FARS2: variants seen among roughly 807,000 people sequenced by gnomAD.
FARS2 encodes phenylalanyl-tRNA synthetase 2, mitochondrial.
Under a neutral mutation model 46.4 loss-of-function variants are expected in FARS2, and 40 were observed. That is an observed-to-expected ratio of 0.86 (90% CI 0.67 to 1.12). The LOEUF is 1.12. Among genes scored for constraint, FARS2 ranks in the 50% most tolerant of loss-of-function variants. FARS2 has a pLI of 0.00. For synonymous variants in FARS2, 234 were observed against 214.9 expected, an observed-to-expected ratio of 1.09 and a Z score of -0.78; for missense variants, 513 against 567.9, an observed-to-expected ratio of 0.90 and a Z score of 0.98.
intron 1 of FARS2, among the ~76,000 whole-genome samples, chr6:5,359,108 C>T (rs1184111264): frequency 8.0e-6 from 1 of 125,500 alleles, no homozygotes; most frequent in Non-Finnish European, 1.6e-5. Context: ...GGTGCAATCT[C>T]GGTTCACTGC....
chr6:5,771,366 G>A lies in FARS2; in HGVS notation c.1293G>A (p.Arg431=), dbSNP rs749743875. 5 of 1,614,250 alleles carry A rather than the reference G, an allele frequency of 3.1e-6. No individual in the cohort carries two copies. The highest frequency in any genetic ancestry group is 4.2e-6 in the Non-Finnish European group (5 of 1,180,044). ...GGACTCTGTCCCAGAGAGAGGTCAG[G>A]CACATCCACCAGGCCTTGCAGGAGG... The part of the protein sequence containing the change: ...MERTLSQREV[R]HIHQALQEAA... Residue 431 remains arginine (R), a synonymous_variant, in exon 7 of 7, where the codon AGG becomes AGA. Coordinates refer to ENST00000274680, the MANE Select transcript of FARS2 (RefSeq NM_006567.5).
intron 6 of FARS2, among the ~76,000 whole-genome samples, chr6:5,648,995 A>G (rs1452758894): frequency 6.6e-6 from 1 of 152,204 alleles, no homozygotes. Context: ...CTGTGGGTCA[A>G]TAGTTAAGGT....
At chr6:5,325,679 A>G (rs1311308175) in intron 1 of FARS2, among the ~76,000 whole-genome samples, 1 of 152,258 alleles carries the variant, frequency 6.6e-6, no homozygotes, top group Non-Finnish European at 1.5e-5. Context: ...GTTTATGAAC[A>G]TGCTTCAATT....
intron 5 of FARS2, among the ~76,000 whole-genome samples, chr6:5,552,844 G>A (rs567586601): frequency 1.1e-4 from 17 of 152,080 alleles, no homozygotes; most frequent in African/African-American, 2.7e-4. Flanking sequence ...TGCTGTATTC[G>A]TTCTGAGTGT....
chr6:5,742,988 G>A (rs984807908), intron 6 of FARS2, among the ~76,000 whole-genome samples: 19 of 152,016 alleles, frequency 1.2e-4, no homozygotes, highest in African/African-American at 3.4e-4. Context: ...CCAGGGGTGC[G>A]TGTGTTTGTG....
intron 4 of FARS2, among the ~76,000 whole-genome samples, chr6:5,503,395 CACACACACACAGAG>C (rs1767916639): frequency 7.1e-5 from 5 of 70,432 alleles, no homozygotes; most frequent in Non-Finnish European, 2.9e-5. Context: ...CACACACACA[CACACACACACAGAG>C]AGAGAGAGAG....
At chr6:5,612,414 T>C (rs1415314700) in intron 5 of FARS2, among the ~76,000 whole-genome samples, 1 of 152,188 alleles carries the variant, frequency 6.6e-6, no homozygotes, top group Non-Finnish European at 1.5e-5. Flanking sequence ...GACCAAAACA[T>C]ACACACATAT....
chr6:5,405,480 C>CTTTTGTTTTTTTTTTTTTTTT (rs1761519556), intron 3 of FARS2, among the ~76,000 whole-genome samples: 1 of 58,952 alleles, frequency 1.7e-5, no homozygotes, highest in Non-Finnish European at 3.1e-5. Context: ...GAGCAAGGTT[C>CTTTTGTTTTTTTTTTTTTTTT]TTTTTTTTTT....
At chr6:5,421,530 A>G (rs1762549593) in intron 3 of FARS2, among the ~76,000 whole-genome samples, 4 of 152,130 alleles carry the variant, frequency 2.6e-5, no homozygotes, top group Admixed American at 2.6e-4. Context: ...CAGCCTACAG[A>G]TTTTCCAAAC....
At chr6:5,518,398 T>A (rs1247942747) in intron 4 of FARS2, among the ~76,000 whole-genome samples, 1 of 152,188 alleles carries the variant, frequency 6.6e-6, no homozygotes, top group African/African-American at 2.4e-5. Context: ...ATAACTTGGA[T>A]GTAGCATATT....
intron 6 of FARS2, among the ~76,000 whole-genome samples, chr6:5,724,628 G>C (rs1760133925): frequency 1.3e-5 from 2 of 152,214 alleles, no homozygotes; most frequent in Non-Finnish European, 2.9e-5. Context: ...CTCTACGGGG[G>C]CCAGCCGAGG....
intron 6 of FARS2, among the ~76,000 whole-genome samples, chr6:5,625,617 G>A (rs6938074): frequency 0.3 from 45,990 of 152,014 alleles, 7,267 homozygotes; most frequent in African/African-American, 0.39. Context: ...AGTGGCCAGT[G>A]GACACTGTGG....
intron 4 of FARS2, among the ~76,000 whole-genome samples, chr6:5,517,538 G>T (rs1044576813): frequency 2.0e-5 from 3 of 151,940 alleles, no homozygotes; most frequent in African/African-American, 7.3e-5. Context: ...CTTGAACCTG[G>T]GAGGTGGAGG....
intron 6 of FARS2, among the ~76,000 whole-genome samples, chr6:5,716,927 G>A (rs1197573611): frequency 6.6e-6 from 1 of 152,184 alleles, no homozygotes; most frequent in Non-Finnish European, 1.5e-5. Context: ...AGCTTGTGTG[G>A]AGACTTCATT....
chr6:5,367,369 G>GTTTGTGAA (rs1422340700), intron 1 of FARS2, among the ~76,000 whole-genome samples: 11 of 152,042 alleles, frequency 7.2e-5, no homozygotes, highest in Admixed American at 2.6e-4. Flanking sequence ...TATAATTTAA[G>GTTTGTGAA]TTTGTGAATG....
At chr6:5,572,083 T>C (rs186119373) in intron 5 of FARS2, among the ~76,000 whole-genome samples, 1 of 152,222 alleles carries the variant, frequency 6.6e-6, no homozygotes, top group South Asian at 2.1e-4. Flanking sequence ...AACATGCCTG[T>C]AGTAGGTCAT....
intron 4 of FARS2, among the ~76,000 whole-genome samples, chr6:5,516,081 C>A (rs563704505): frequency 1.1e-3 from 164 of 152,234 alleles, no homozygotes; most frequent in Middle Eastern, 3.4e-3. Context: ...AGTGGTTGAC[C>A]CCTCCATGTG....
At chr6:5,447,843 G>C (rs909091005) in intron 4 of FARS2, among the ~76,000 whole-genome samples, 4 of 152,138 alleles carry the variant, frequency 2.6e-5, no homozygotes, top group African/African-American at 9.7e-5. Context: ...GTTTGATGAG[G>C]GATGCAGTCT....
chr6:5,679,883 C>G (rs1345575462), intron 6 of FARS2, among the ~76,000 whole-genome samples: 1 of 130,764 alleles, frequency 7.6e-6, no homozygotes, highest in Non-Finnish European at 1.6e-5. Context: ...TCCTTCATAA[C>G]AACACCCTAG....
Sources: gnomAD v4.1 joint callset for allele counts (sites outside exome capture counted in the v4.1 genomes callset) on GRCh38, gnomAD v4.1.1 for gene constraint, MANE v1.5 for transcripts, NCBI Gene and HGNC (gene_info 2026-07-23, HGNC 2026-07-21) for gene names.